Variants in ZNF431 observed in about 807,000 individuals in gnomAD.
ZNF431 encodes zinc finger protein 431.
A neutral mutation model predicts 57.0 loss-of-function variants in ZNF431; 34 were observed. That is an observed-to-expected ratio of 0.60 (90% confidence interval 0.45 to 0.79). ZNF431 has a LOEUF of 0.79. ZNF431 is among the 30% of genes least tolerant of loss of function. The probability of loss-of-function intolerance (pLI) is 0.00; values close to 1 mark genes in which losing one functional copy is unlikely to be tolerated. For missense variants in ZNF431, 607 were observed against 667.1 expected, an observed-to-expected ratio of 0.91 and a Z score of 0.99; for synonymous variants, 207 against 220.3, an observed-to-expected ratio of 0.94 and a Z score of 0.54.
chr19:21,145,010 A>C (rs1970042146), intron 2 of ZNF431, among the ~76,000 whole-genome samples: 1 of 152,130 alleles, frequency 6.6e-6, no homozygotes, highest in African/African-American at 2.4e-5. Context: ...TCTGAAAGGA[A>C]TGGATACTTT....
chr19:21,190,030 G>T lies in ZNF431; in HGVS notation c.*5996G>T, dbSNP rs1971474283. On this transcript the variant is annotated 3_prime_UTR_variant, in exon 5 of 5. Transcript: ENST00000311048. Reference sequence around the variant, plus strand: ...AAAACAAAAAACACCTCAGCTGGGTGTGGTGGTGCAGGCCTGTAATCTCAG... The same window carrying T: ...AAAACAAAAAACACCTCAGCTGGGTTTGGTGGTGCAGGCCTGTAATCTCAG... The T allele has an allele frequency of 5.2e-6, 2 of 384,724 alleles. No individual in the cohort carries two copies. Among genetic ancestry groups the T allele is most frequent in the African/African-American group, 2.1e-5 (1 of 48,240 alleles). The allele number at this position is 384,724 out of a possible 1,614,324, so 23.8% of individuals were successfully genotyped here.
rs548603785 is a variant in ZNF431 at position 21,147,080 on chromosome 19, A to G, written c.96+3437A>G. Among the ~76,000 whole-genome samples the G allele has an allele frequency of 3.3e-5, 5 of 152,354 alleles. No individual in the cohort carries two copies. In the East Asian group the frequency reaches 9.6e-4, roughly 29 times the overall value. On this transcript the variant is annotated intron_variant, in intron 2 of 4. Coordinates refer to ENST00000311048, the MANE Select transcript of ZNF431 (RefSeq NM_133473.4). ...CATCTTCCATTAGTTCAGTCCCTTC[A>G]GTTAATTCCTGTTCTGTTTGATTGT...
rs1278087939 is a variant in ZNF431 at position 21,189,526 on chromosome 19, C to A, written c.*5492C>A. On this transcript the variant is annotated 3_prime_UTR_variant, in exon 5 of 5. Coordinates refer to ENST00000311048, the MANE Select transcript of ZNF431 (RefSeq NM_133473.4). ...TATGGTGAACATTTTTGTTTTGAGA[C>A]CACATGACACTGTCATCATTTTTCA... is the stretch of plus-strand genomic sequence containing the variant. 5.9e-6 allele frequency: 1 copy of A among 169,134 alleles called. No homozygotes were observed. The highest frequency in any genetic ancestry group is 6.4e-5 in the Admixed American group (1 of 15,738). 10.5% of individuals were successfully genotyped at this position (169,134 alleles called of 1,614,324 possible).
At position 21,192,019 on chromosome 19, in the gene ZNF431, G is replaced by A. The variant is rs1028401326; in HGVS notation, c.*7985G>A. ...TTAATTTCTATTTAGAATGTAAGGC[G>A]TTTCAACTTTTTGGTTAAATTTATT... On this transcript the variant is annotated 3_prime_UTR_variant, in exon 5 of 5. Transcript: ENST00000311048. The A allele has an allele frequency of 1.3e-5, 2 of 152,050 alleles. No individual in the cohort carries two copies. The highest frequency in any genetic ancestry group is 2.9e-5 in the Non-Finnish European group (2 of 68,026). The allele number at this position is 152,050 out of a possible 1,614,324, so 9.4% of individuals were successfully genotyped here. A position where few individuals can be genotyped will look rare whatever the true frequency, so the allele number is the denominator to read the frequency against.
chr19:21,157,533 A>C (rs891850167), intron 2 of ZNF431, among the ~76,000 whole-genome samples: 2 of 149,732 alleles, frequency 1.3e-5, no homozygotes, highest in African/African-American at 4.9e-5. Flanking sequence ...TTTTTTGCCT[A>C]CTTTTTTTTC....
chr19:21,172,609 TG>T lies in ZNF431; in HGVS notation c.319+4946del, dbSNP rs1203399964. On this transcript the variant is annotated intron_variant, in intron 4 of 4. Coordinates refer to ENST00000311048, the MANE Select transcript of ZNF431 (RefSeq NM_133473.4). ...TGAGCCCCAAAGTTTGAGACTAGCCTGGGCAACATATGGAGATTTCCTCTCT... is the reference window on the plus strand; with the variant it reads ...TGAGCCCCAAAGTTTGAGACTAGCCTGGCAACATATGGAGATTTCCTCTCT... 2.6e-5 allele frequency among the ~76,000 whole-genome samples: 4 copies of T among 152,108 alleles called. No homozygotes were observed. The East Asian group carries it at 7.7e-4, about 29-fold the overall frequency.
intron 2 of ZNF431, among the ~76,000 whole-genome samples, chr19:21,162,144 TTGTGTGTGTGTGTGTG>T (rs749424799): frequency 6.0e-5 from 4 of 66,176 alleles, no homozygotes; most frequent in East Asian, 1.3e-3. Flanking sequence ...ATCCAGCTAA[TTGTGTGTGTGTGTGTG>T]TGTGTGTGTG....
intron 4 of ZNF431, among the ~76,000 whole-genome samples, chr19:21,172,427 C>CAA (rs372960141): frequency 1.6e-5 from 1 of 63,916 alleles, no homozygotes; most frequent in Non-Finnish European, 3.2e-5. Flanking sequence ...GATTCCATCT[C>CAA]AAAAAAAAAA....
chr19:21,153,201 G>A (rs1294939594), intron 2 of ZNF431, among the ~76,000 whole-genome samples: 5 of 152,164 alleles, frequency 3.3e-5, no homozygotes, highest in African/African-American at 1.2e-4. Context: ...GTTAATTTTG[G>A]TGGGTTTTAT....
chr19:21,158,213 C>G (rs11669421), intron 2 of ZNF431, among the ~76,000 whole-genome samples: 143,229 of 152,094 alleles, frequency 0.94, 67,677 homozygotes, highest in Middle Eastern at 0.99. Flanking sequence ...TTTTGTTGTT[C>G]TTGAGACAGA....
chr19:21,158,154 T>C (rs997826460), intron 2 of ZNF431, among the ~76,000 whole-genome samples: 3 of 152,170 alleles, frequency 2.0e-5, no homozygotes, highest in Non-Finnish European at 2.9e-5. Flanking sequence ...TGATCTTTTC[T>C]ATCTGTGAGC....
chr19:21,194,686 C>G lies in ZNF431; in HGVS notation c.*10652C>G, dbSNP rs1971573162. On this transcript the variant is annotated 3_prime_UTR_variant, in exon 5 of 5. Transcript: ENST00000311048. ...GTTTTGCTGTGTTGGCCAGGCTGGT[C>G]TCAAACTCCCGGCGTCCCAAAGTGC... 2 of 152,104 alleles carry G rather than the reference C, an allele frequency of 1.3e-5. No homozygotes were observed. The highest frequency in any genetic ancestry group is 4.8e-5 in the African/African-American group (2 of 41,422). The allele number at this position is 152,104 out of a possible 1,614,324, so 9.4% of individuals were successfully genotyped here.
intron 4 of ZNF431, 22 bp from the exon 5 acceptor site, chr19:21,182,601 T>C (rs1247689186): frequency 6.4e-7 from 1 of 1,565,776 alleles, no homozygotes; most frequent in East Asian, 2.2e-5. Context: ...GTTGAATAAT[T>C]TGTTGTTTGT....
At position 21,143,555 on chromosome 19, in the gene ZNF431, A is replaced by G. The variant is rs17445374; in HGVS notation, c.8A>G (p.Asp3Gly). Reference sequence around the variant, plus strand: ...CTGGTTTATTTTCTTCCATAGGACGACTTGAAATATGGAGTGTATCCTCTC... The same window carrying G: ...CTGGTTTATTTTCTTCCATAGGACGGCTTGAAATATGGAGTGTATCCTCTC... MDDLKYGVYPLKE... is the reference protein window; with the variant it reads MDGLKYGVYPLKE... Residue 3 changes from aspartate to glycine, a missense_variant, in exon 2 of 5, where the codon GAC (aspartate) becomes GGC (glycine). Asp to Gly is a moderately conservative substitution (Grantham distance 94). Transcript: ENST00000311048. 0.13 allele frequency: 209,600 copies of G among 1,610,558 alleles called. 15,418 individuals carry two copies. Among genetic ancestry groups the G allele is most frequent in the African/African-American group, 0.25 (18,994 of 74,822 alleles).
intron 4 of ZNF431, among the ~76,000 whole-genome samples, chr19:21,181,687 GTTA>G (rs992801545): frequency 1.3e-5 from 2 of 151,104 alleles, no homozygotes; most frequent in Middle Eastern, 3.2e-3. Flanking sequence ...AAATATTTTT[GTTA>G]TTCTCATTTT....
intron 2 of ZNF431, among the ~76,000 whole-genome samples, chr19:21,164,948 TA>T (rs917482886): frequency 2.0e-5 from 3 of 151,720 alleles, no homozygotes; most frequent in Non-Finnish European, 2.9e-5. Context: ...CCGTCTCTAC[TA>T]AAAATACAAA....
Position 21,158,362 on chromosome 19 carries a change from T to C in ZNF431, c.97-7973T>C, listed in dbSNP as rs150092987. Among the ~76,000 whole-genome samples the C allele has an allele frequency of 3.8e-3, 581 of 152,178 alleles. 7 individuals carry two copies. The highest frequency in any genetic ancestry group is 0.014 in the African/African-American group (567 of 41,518). ...ACAGTCACATGCCACCATGCCTGGC[T>C]AATTTTTTTTGTATTTTAATGGAGA... On this transcript the variant is annotated intron_variant, in intron 2 of 4. Transcript: ENST00000311048.
At position 21,176,793 on chromosome 19, in the gene ZNF431, G is replaced by A. The variant is rs555543150; in HGVS notation, c.320-5830G>A. ...GCTCACTGCAACCTCCACTTCCCGGGTTCAAGCAATTCTCTGCCTCAGCTT... is the reference window on the plus strand; with the variant it reads ...GCTCACTGCAACCTCCACTTCCCGGATTCAAGCAATTCTCTGCCTCAGCTT... On this transcript the variant is annotated intron_variant, in intron 4 of 4. Coordinates refer to ENST00000311048, the MANE Select transcript of ZNF431 (RefSeq NM_133473.4). Among the ~76,000 whole-genome samples the A allele has an allele frequency of 2.0e-5, 3 of 152,032 alleles. No homozygotes were observed. In the South Asian group the frequency reaches 6.2e-4, roughly 32 times the overall value.
intron 2 of ZNF431, among the ~76,000 whole-genome samples, chr19:21,159,490 A>G (rs1252367842): frequency 2.0e-5 from 3 of 152,136 alleles, no homozygotes; most frequent in Admixed American, 2.0e-4. Flanking sequence ...CGCCTGCCTC[A>G]GCCTCACGAG....
Sources: allele counts gnomAD v4.1 joint callset (sites outside exome capture counted in the v4.1 genomes callset), GRCh38; gene constraint gnomAD v4.1.1; transcripts MANE v1.5; gene names NCBI Gene and HGNC (gene_info 2026-07-23, HGNC 2026-07-21).